INSR: variants seen among roughly 807,000 people sequenced by gnomAD.
INSR encodes insulin receptor.
A neutral mutation model predicts 142.6 loss-of-function variants in INSR; 67 were observed. That is an observed-to-expected ratio of 0.47 (90% CI 0.39 to 0.58). INSR has a LOEUF of 0.58. INSR is among the 20% of genes least tolerant of loss of function. The pLI, the probability that INSR is intolerant of heterozygous loss-of-function variation, is 0.00. For missense variants in INSR, 1,248 were observed against 1,833.2 expected (o/e 0.68, Z 5.83); for synonymous variants, 756 against 743.1 (o/e 1.02, Z -0.28).
chr19:7,263,670 C>T (rs1179280737), intron 2 of INSR, among the ~76,000 whole-genome samples: 4 of 152,140 alleles, frequency 2.6e-5, no homozygotes, highest in Admixed American at 6.6e-5. Flanking sequence ...AGTGCAGCTT[C>T]GACCTCCTGG....
intron 1 of INSR, among the ~76,000 whole-genome samples, chr19:7,272,480 G>T (rs1967951442): frequency 6.6e-6 from 1 of 151,522 alleles, no homozygotes; most frequent in South Asian, 2.1e-4. Flanking sequence ...TAGCTGGGCG[G>T]GGTGGCGCAT....
At chr19:7,229,965 T>TTA (rs1349025635) in intron 2 of INSR, among the ~76,000 whole-genome samples, 1 of 152,008 alleles carries the variant, frequency 6.6e-6, no homozygotes, top group Non-Finnish European at 1.5e-5. Context: ...TTGTTTGTTT[T>TTA]TGTTTTTGTA....
chr19:7,120,491 C>T lies in INSR; in HGVS notation c.3659+129G>A, dbSNP rs1362960882. ...GAGTAGCCGTGGGAAGATCCTAAGA[C>T]AGGACGCTGCCTTCCTTTCCTTGAT... On this transcript the variant is annotated intron_variant, in intron 20 of 21. Transcript: ENST00000302850. The T allele has an allele frequency of 2.8e-6, 3 of 1,089,826 alleles. No homozygotes were observed. In the African/African-American group the frequency reaches 4.7e-5, roughly 17 times the overall value. 67.5% of individuals were successfully genotyped at this position (1,089,826 alleles called of 1,614,324 possible).
intron 1 of INSR, 128 bp from the exon 2 acceptor site, chr19:7,268,024 G>T: frequency 2.5e-6 from 2 of 807,392 alleles, no homozygotes; most frequent in Non-Finnish European, 4.2e-6. Context: ...CCCGGGCCCT[G>T]TAAACTCTGC....
chr19:7,269,376 A>AACACAC lies in INSR; in HGVS notation c.101-1486_101-1481dup, dbSNP rs60776874. ...CAAATGGATTAGGCTAAGTCGAGAA[A>AACACAC]ACACACACACACACACACACACACA... On this transcript the variant is annotated intron_variant, in intron 1 of 21. Coordinates refer to ENST00000302850, the MANE Select transcript of INSR (RefSeq NM_000208.4). Among the ~76,000 whole-genome samples, 128 of 134,782 alleles carry AACACAC rather than the reference A, an allele frequency of 9.5e-4. 1 individual carries two copies. Among genetic ancestry groups the AACACAC allele is most frequent in the African/African-American group, 2.8e-3 (99 of 35,918 alleles). The allele number at this position is 134,782 out of a possible 152,430, so 88.4% of individuals were successfully genotyped here.
intron 6 of INSR, among the ~76,000 whole-genome samples, chr19:7,169,859 A>C (rs983425384): frequency 2.0e-5 from 3 of 152,148 alleles, no homozygotes; most frequent in African/African-American, 7.2e-5. Context: ...CATAGTGATA[A>C]TATTAATAAA....
intron 2 of INSR, among the ~76,000 whole-genome samples, chr19:7,193,688 T>C (rs937580126): frequency 2.0e-5 from 3 of 151,988 alleles, no homozygotes; most frequent in African/African-American, 4.8e-5. Context: ...AAGTAGCTTC[T>C]TCTTTCATTT....
rs544593084 is a variant in INSR at position 7,288,028 on chromosome 19, G to C, written c.100+5764C>G. 4.6e-5 allele frequency among the ~76,000 whole-genome samples: 7 copies of C among 152,266 alleles called. No individual in the cohort carries two copies. In the East Asian group the frequency reaches 1.2e-3, roughly 25 times the overall value. On this transcript the variant is annotated intron_variant, in intron 1 of 21. Coordinates refer to ENST00000302850, the MANE Select transcript of INSR (RefSeq NM_000208.4). ...GGATTTGGCCTGAGGGCCATAGTTT[G>C]CTGACCCCTGTTCAGATGAAGAAGT...
intron 2 of INSR, among the ~76,000 whole-genome samples, chr19:7,256,327 T>C (rs1976890621): frequency 1.3e-5 from 2 of 152,068 alleles, no homozygotes; most frequent in South Asian, 4.2e-4. Flanking sequence ...TGGGCGCCTG[T>C]AGTCCCAGCT....
At chr19:7,196,143 C>T (rs1974742641) in intron 2 of INSR, among the ~76,000 whole-genome samples, 1 of 151,832 alleles carries the variant, frequency 6.6e-6, no homozygotes, top group Non-Finnish European at 1.5e-5. Flanking sequence ...CCAAGTTGGT[C>T]AGGCTGGTCT....
intron 2 of INSR, among the ~76,000 whole-genome samples, chr19:7,204,663 C>T (rs575610893): frequency 3.3e-5 from 5 of 152,324 alleles, no homozygotes; most frequent in African/African-American, 1.2e-4. Flanking sequence ...ATACCTGGAA[C>T]TTCCCAGTTC....
chr19:7,217,166 A>C (rs1217618593), intron 2 of INSR, among the ~76,000 whole-genome samples: 1 of 152,078 alleles, frequency 6.6e-6, no homozygotes, highest in African/African-American at 2.4e-5. Context: ...GAAAAGCCCA[A>C]AATGAGTCTT....
chr19:7,201,751 C>A (rs559342822), intron 2 of INSR, among the ~76,000 whole-genome samples: 1 of 146,118 alleles, frequency 6.8e-6, no homozygotes, highest in Admixed American at 6.8e-5. Flanking sequence ...CAAGCTCCCC[C>A]TCCCGGGTTC....
intron 21 of INSR, 117 bp from the exon 22 acceptor site, chr19:7,117,527 T>C: frequency 1.4e-6 from 1 of 694,264 alleles, no homozygotes; most frequent in East Asian, 2.7e-5. Flanking sequence ...TCACATCAGA[T>C]GCTGGCTGTG....
chr19:7,229,841 C>T (rs1436418678), intron 2 of INSR, among the ~76,000 whole-genome samples: 2 of 146,916 alleles, frequency 1.4e-5, no homozygotes, highest in African/African-American at 5.0e-5. Flanking sequence ...TCATGGCTCA[C>T]TGCAGCCTCG....
At chr19:7,291,200 G>A (rs58742460) in intron 1 of INSR, among the ~76,000 whole-genome samples, 6,513 of 152,170 alleles carry the variant, frequency 0.043, 426 homozygotes, top group African/African-American at 0.15. Flanking sequence ...CACCCCAATC[G>A]TGGGGGGTAC....
intron 3 of INSR, 45 bp from the exon 4 acceptor site, chr19:7,174,776 G>T (rs759515437): frequency 6.9e-6 from 11 of 1,585,282 alleles, no homozygotes; most frequent in Non-Finnish European, 9.5e-6. Context: ...GGGGAGGGGG[G>T]TGTCACGGTA....
chr19:7,173,750 G>A (rs1974073444), intron 4 of INSR, among the ~76,000 whole-genome samples: 1 of 150,798 alleles, frequency 6.6e-6, no homozygotes. Flanking sequence ...CTCCTGCGTA[G>A]CTGGGATTAC....
intron 9 of INSR, among the ~76,000 whole-genome samples, chr19:7,153,924 G>A (rs1973517792): frequency 6.6e-6 from 1 of 152,172 alleles, no homozygotes; most frequent in African/African-American, 2.4e-5. Context: ...ACTTTGGGAG[G>A]CTGAGGTAGG....
Sources: gnomAD v4.1 joint callset for allele counts (sites outside exome capture counted in the v4.1 genomes callset) on GRCh38, gnomAD v4.1.1 for gene constraint, MANE v1.5 for transcripts, NCBI Gene and HGNC (gene_info 2026-07-23, HGNC 2026-07-21) for gene names.